PLCL2: variants seen among roughly 807,000 people sequenced by gnomAD.
PLCL2 encodes the protein phospholipase C like 2.
PLCL2 carries 4 observed loss-of-function variants against 79.6 expected under a neutral mutation model. The ratio of observed to expected loss-of-function variants is 0.05; its 90% confidence interval spans 0.02 to 0.11. The LOEUF (loss-of-function observed/expected upper bound fraction) is 0.11. PLCL2 is among the 10% of genes least tolerant of loss of function. The pLI, the probability that PLCL2 is intolerant of heterozygous loss-of-function variation, is 1.00. For missense variants in PLCL2, 895 were observed against 1,291.0 expected (o/e 0.69, Z 4.70); for synonymous variants, 484 against 457.7 (o/e 1.06, Z -0.73).
chr3:16,967,169 G>A (rs545406340), intron 1 of PLCL2, among the ~76,000 whole-genome samples: 1 of 152,154 alleles, frequency 6.6e-6, no homozygotes, highest in African/African-American at 2.4e-5. Flanking sequence ...TTCTACTGTT[G>A]ATGGGTATTT....
At chr3:16,936,084 T>C (rs1017542145) in intron 1 of PLCL2, among the ~76,000 whole-genome samples, 2 of 152,286 alleles carry the variant, frequency 1.3e-5, no homozygotes, top group Non-Finnish European at 2.9e-5. Flanking sequence ...CAGAACAAGA[T>C]CAAAGGTTGT....
At chr3:16,929,774 T>G (rs1204435747) in intron 1 of PLCL2, among the ~76,000 whole-genome samples, 2 of 152,202 alleles carry the variant, frequency 1.3e-5, no homozygotes, top group African/African-American at 4.8e-5. Context: ...TATCCTGACA[T>G]AGGAACTATT....
At chr3:16,944,147 A>T (rs1385254391) in intron 1 of PLCL2, among the ~76,000 whole-genome samples, 1 of 152,226 alleles carries the variant, frequency 6.6e-6, no homozygotes, top group Non-Finnish European at 1.5e-5. Context: ...CCTGATCTGT[A>T]TATGGAGATG....
chr3:17,075,683 A>G (rs1462070602), intron 5 of PLCL2, among the ~76,000 whole-genome samples: 1 of 152,084 alleles, frequency 6.6e-6, no homozygotes, highest in Non-Finnish European at 1.5e-5. Context: ...GCCCCTTTGT[A>G]GTAAAATCCT....
intron 1 of PLCL2, among the ~76,000 whole-genome samples, chr3:16,955,650 C>A: frequency 6.6e-6 from 1 of 152,174 alleles, no homozygotes. Flanking sequence ...TTGGTTCTTC[C>A]TACCCATGAG....
chr3:17,047,163 A>C (rs1046639836), intron 4 of PLCL2, among the ~76,000 whole-genome samples: 4 of 152,224 alleles, frequency 2.6e-5, no homozygotes, highest in Non-Finnish European at 5.9e-5. Context: ...TAGCAAAAAT[A>C]AAAACTAAAT....
chr3:17,062,756 A>G (rs1302794199), intron 4 of PLCL2, among the ~76,000 whole-genome samples: 1 of 152,240 alleles, frequency 6.6e-6, no homozygotes, highest in African/African-American at 2.4e-5. Context: ...TTTGGAAGAT[A>G]TTGGAAACAT....
chr3:16,955,029 A>C (rs2063690923), intron 1 of PLCL2, among the ~76,000 whole-genome samples: 2 of 152,126 alleles, frequency 1.3e-5, no homozygotes, highest in Non-Finnish European at 2.9e-5. Context: ...TCTTTAGTTT[A>C]ATTAGATCCC....
chr3:17,022,103 T>C (rs1219376986), intron 3 of PLCL2, among the ~76,000 whole-genome samples: 1 of 152,158 alleles, frequency 6.6e-6, no homozygotes, highest in East Asian at 1.9e-4. Flanking sequence ...TTATTGTTTT[T>C]TAAAGGGGCA....
At chr3:16,993,594 G>C (rs1444445047) in intron 1 of PLCL2, among the ~76,000 whole-genome samples, 1 of 152,172 alleles carries the variant, frequency 6.6e-6, no homozygotes, top group Non-Finnish European at 1.5e-5. Flanking sequence ...TTTTTAATAA[G>C]GGGATTTGGT....
intron 1 of PLCL2, among the ~76,000 whole-genome samples, chr3:16,888,082 C>G (rs980298510): frequency 3.3e-5 from 5 of 152,154 alleles, no homozygotes; most frequent in Non-Finnish European, 5.9e-5. Flanking sequence ...ATCTTCATTA[C>G]AGTCTTGACA....
chr3:16,902,853 C>CATGTGT (rs1553633684), intron 1 of PLCL2, among the ~76,000 whole-genome samples: 4 of 42,250 alleles, frequency 9.5e-5, no homozygotes, highest in African/African-American at 2.3e-4. Flanking sequence ...AAATGCAGTG[C>CATGTGT]GTGTGTGTGT....
chr3:17,042,991 GCAT>G (rs1216259086), intron 4 of PLCL2, 42 bp downstream of exon 4: 9 of 1,281,388 alleles, frequency 7.0e-6, no homozygotes, highest in Non-Finnish European at 1.0e-5. Flanking sequence ...GAAATTAATA[GCAT>G]CATATACTTT....
chr3:16,909,271 C>T (rs1696820203), intron 1 of PLCL2, among the ~76,000 whole-genome samples: 1 of 152,150 alleles, frequency 6.6e-6, no homozygotes, highest in South Asian at 2.1e-4. Flanking sequence ...TTTGCTGTTA[C>T]TTAATAGCAA....
chr3:16,955,702 G>A (rs560332233), intron 1 of PLCL2, among the ~76,000 whole-genome samples: 1 of 151,922 alleles, frequency 6.6e-6, no homozygotes, highest in Admixed American at 6.6e-5. Context: ...CTTTTATTTC[G>A]TTGAGCAGTG....
At position 17,010,537 on chromosome 3, in the gene PLCL2, G is replaced by A. The variant is rs2064310043; in HGVS notation, c.1191G>A (p.Lys397=). The A allele has an allele frequency of 1.2e-6, 2 of 1,613,932 alleles. No individual in the cohort carries two copies. Among genetic ancestry groups the A allele is most frequent in the East Asian group, 2.2e-5 (1 of 44,884 alleles). Residue 397 remains lysine (K), a synonymous_variant, in exon 2 of 6, where the codon AAG becomes AAA. Transcript: ENST00000615277. The surrounding 1 kb of genome is among the most constrained non-coding windows in gnomAD (Gnocchi z 5.8). The part of the protein sequence containing the change: ...KYEPSKEGQE[K]GWLSIDGFTN... ...AACCATCCAAAGAGGGTCAGGAAAA[G>A]GGCTGGCTCTCCATAGACGGGTTCA...
intron 1 of PLCL2, among the ~76,000 whole-genome samples, chr3:16,888,129 A>T: frequency 6.6e-6 from 1 of 152,196 alleles, no homozygotes; most frequent in East Asian, 1.9e-4. Flanking sequence ...CAGAGGGAGA[A>T]TAATGGCCTA....
intron 1 of PLCL2, among the ~76,000 whole-genome samples, chr3:16,952,360 C>CTAAAAAA (rs2063662245): frequency 4.4e-5 from 1 of 22,616 alleles, no homozygotes; most frequent in Non-Finnish European, 7.3e-5. Context: ...GAACTTAAAG[C>CTAAAAAA]AAAAAAAAAA....
intron 1 of PLCL2, among the ~76,000 whole-genome samples, chr3:16,931,748 A>G (rs1472560069): frequency 6.6e-6 from 1 of 152,168 alleles, no homozygotes; most frequent in Non-Finnish European, 1.5e-5. Flanking sequence ...CCTCCCTGAC[A>G]AGGTTATTTT....
Sources: allele counts gnomAD v4.1 joint callset (sites outside exome capture counted in the v4.1 genomes callset), GRCh38; gene constraint gnomAD v4.1.1; non-coding constraint Gnocchi (gnomAD v3.1); transcripts MANE v1.5; gene names NCBI Gene and HGNC (gene_info 2026-07-23, HGNC 2026-07-21).